Variants in AK9 observed in about 807,000 individuals in gnomAD.
AK9 encodes adenylate kinase domain containing 1.
In AK9, 191 loss-of-function variants were observed where a neutral mutation model predicts 239.6. The ratio of observed to expected loss-of-function variants is 0.80; its 90% CI spans 0.71 to 0.90. The LOEUF (loss-of-function observed/expected upper bound fraction) is 0.90, where lower values mean the gene tolerates loss of function less well. AK9 is among the 40% of genes least tolerant of loss of function. AK9 has a pLI of 0.00. For missense variants in AK9, 1,995 were observed against 2,214.7 expected, an observed-to-expected ratio of 0.90 and a Z score of 1.99; for synonymous variants, 689 against 721.0, an observed-to-expected ratio of 0.96 and a Z score of 0.71.
intron 5 of AK9, among the ~76,000 whole-genome samples, chr6:109,669,151 C>T (rs1228109172): frequency 2.4e-4 from 36 of 151,572 alleles, no homozygotes; most frequent in East Asian, 9.9e-4. Flanking sequence ...TTATTCTCTT[C>T]GAAGCAATTG....
At chr6:109,538,129 T>C (rs1782290064) in intron 27 of AK9, among the ~76,000 whole-genome samples, 1 of 152,336 alleles carries the variant, frequency 6.6e-6, no homozygotes, top group African/African-American at 2.4e-5. Flanking sequence ...GTCCACTTGG[T>C]GTAGAGCTGA....
chr6:109,556,336 C>A (rs1354228383), intron 24 of AK9, among the ~76,000 whole-genome samples: 1 of 152,094 alleles, frequency 6.6e-6, no homozygotes, highest in Middle Eastern at 3.2e-3. Flanking sequence ...AATATTGGCC[C>A]CCAGTCTCTT....
chr6:109,650,071 T>C (rs1489221237), intron 8 of AK9, among the ~76,000 whole-genome samples: 1 of 152,170 alleles, frequency 6.6e-6, no homozygotes, highest in African/African-American at 2.4e-5. Context: ...TTACACCTCA[T>C]ACAAAAATTA....
chr6:109,513,107 C>T (rs1003065909), intron 32 of AK9, among the ~76,000 whole-genome samples: 2 of 152,188 alleles, frequency 1.3e-5, no homozygotes, highest in Non-Finnish European at 2.9e-5. Flanking sequence ...TCAAGTAATC[C>T]TCCCACCTTG....
chr6:109,545,384 G>A (rs1308441728), intron 26 of AK9, among the ~76,000 whole-genome samples: 1 of 152,194 alleles, frequency 6.6e-6, no homozygotes, highest in Non-Finnish European at 1.5e-5. Flanking sequence ...ATCTCATCTT[G>A]AATTCCCACA....
intron 1 of AK9, among the ~76,000 whole-genome samples, chr6:109,688,059 C>T (rs1485424670): frequency 6.6e-6 from 1 of 152,252 alleles, no homozygotes; most frequent in East Asian, 1.9e-4. Flanking sequence ...TAGGCATGGG[C>T]TCATATCAAG....
intron 29 of AK9, among the ~76,000 whole-genome samples, chr6:109,523,572 A>G (rs1780099636): frequency 6.6e-6 from 1 of 152,092 alleles, no homozygotes; most frequent in Non-Finnish European, 1.5e-5. Context: ...GAGTTTTCTG[A>G]TTTTGTTCAT....
At position 109,515,850 on chromosome 6, in the gene AK9, A is replaced by T. The variant is rs781716574; in HGVS notation, c.4065+7T>A. ...ACATGGCTTTCAGGTGCGTTTGCTG[A>T]AATTACCTTTACAGGGTCCCAATAG... On this transcript the variant is annotated splice_region_variant and intron_variant, in intron 31 of 40. Coordinates refer to ENST00000424296, the MANE Select transcript of AK9 (RefSeq NM_001145128.3). The T allele has an allele frequency of 2.6e-5, 40 of 1,545,040 alleles. No homozygotes were observed. Among genetic ancestry groups the T allele is most frequent in the Non-Finnish European group, 3.5e-6 (4 of 1,142,436 alleles).
chr6:109,597,741 A>G (rs1164010491), intron 17 of AK9, among the ~76,000 whole-genome samples: 1 of 152,104 alleles, frequency 6.6e-6, no homozygotes, highest in African/African-American at 2.4e-5. Flanking sequence ...ACTGGGGGGC[A>G]TAAGGCAGAA....
intron 10 of AK9, among the ~76,000 whole-genome samples, chr6:109,634,509 A>C (rs1304929649): frequency 6.6e-6 from 1 of 152,244 alleles, no homozygotes; most frequent in Non-Finnish European, 1.5e-5. Flanking sequence ...TGGGTCACAC[A>C]TGATATATGC....
At chr6:109,689,495 C>T (rs1774010556) in intron 1 of AK9, among the ~76,000 whole-genome samples, 1 of 152,192 alleles carries the variant, frequency 6.6e-6, no homozygotes, top group South Asian at 2.1e-4. Flanking sequence ...CAATGTTCTG[C>T]CCTATCAGGC....
intron 10 of AK9, 93 bp from the exon 11 acceptor site, chr6:109,633,416 T>C: frequency 1.5e-6 from 2 of 1,313,132 alleles, no homozygotes; most frequent in Non-Finnish European, 2.0e-6. Flanking sequence ...TATAGTGCTT[T>C]ACTATTTAAG....
chr6:109,533,218 G>T, intron 28 of AK9, 33 bp downstream of exon 28: 2 of 1,523,968 alleles, frequency 1.3e-6, no homozygotes, highest in East Asian at 2.3e-5. Flanking sequence ...ATGCTGAACA[G>T]ATTTATTCAA....
In AK9 at chr6:109,561,144, G is replaced by A. The variant is rs535793751; in HGVS notation, c.2751+2453C>T. ...AATTTTTGTATTTTTAGTAGAGACG[G>A]GGTTTCACCATGTTGGTCAGGCTGG... On this transcript the variant is annotated intron_variant, in intron 24 of 40. Coordinates refer to ENST00000424296, the MANE Select transcript of AK9 (RefSeq NM_001145128.3). Among the ~76,000 whole-genome samples, 11 of 152,126 alleles carry A rather than the reference G, an allele frequency of 7.2e-5. 2 individuals are homozygous for A. In the East Asian group the frequency reaches 1.9e-3, roughly 27 times the overall value.
chr6:109,655,226 C>T (rs1189775758), intron 8 of AK9, among the ~76,000 whole-genome samples: 1 of 152,156 alleles, frequency 6.6e-6, no homozygotes, highest in Non-Finnish European at 1.5e-5. Context: ...TTCTTACTAC[C>T]TGTTCATCTT....
intron 13 of AK9, among the ~76,000 whole-genome samples, chr6:109,615,105 A>T (rs181985217): frequency 6.6e-6 from 1 of 152,300 alleles, no homozygotes; most frequent in East Asian, 1.9e-4. Flanking sequence ...TTCCTCCAGG[A>T]GCCCGGCTAA....
intron 12 of AK9, chr6:109,632,632 C>T: frequency 2.0e-6 from 1 of 511,102 alleles, no homozygotes; most frequent in South Asian, 4.1e-5. Flanking sequence ...ATGAGTAGAA[C>T]CAAGAAAGCT....
intron 9 of AK9, 185 bp downstream of exon 9, chr6:109,644,429 G>A: frequency 2.2e-6 from 1 of 457,546 alleles, no homozygotes; most frequent in East Asian, 3.6e-5. Flanking sequence ...TTCGAATGTA[G>A]TTTTGATTTT....
Position 109,499,033 on chromosome 6 carries a change from A to G in AK9, c.5046+11T>C. 2 of 1,497,582 alleles carry G rather than the reference A, an allele frequency of 1.3e-6. No individual in the cohort carries two copies. Among genetic ancestry groups the G allele is most frequent in the African/African-American group, 1.4e-5 (1 of 70,304 alleles). 92.8% of individuals were successfully genotyped at this position (1,497,582 alleles called of 1,614,324 possible). On this transcript the variant is annotated intron_variant, in intron 36 of 40. Transcript: ENST00000424296. ...TCTTTAGTAAATATTTGGAGTTAGG[A>G]ACAAACTTACATTCAGTTTTTCCTG...
Sources: gnomAD v4.1 joint callset for allele counts (sites outside exome capture counted in the v4.1 genomes callset) on GRCh38, gnomAD v4.1.1 for gene constraint, MANE v1.5 for transcripts, NCBI Gene and HGNC (gene_info 2026-07-23, HGNC 2026-07-21) for gene names.